SERTM1: variants seen among roughly 807,000 people sequenced by gnomAD.
The protein encoded by SERTM1 is serine rich and transmembrane domain containing 1.
A neutral mutation model predicts 5.5 loss-of-function variants in SERTM1; 1 was observed. That is an observed-to-expected ratio of 0.18 (90% CI 0.06 to 0.86). The LOEUF (loss-of-function observed/expected upper bound fraction) is 0.86. Among genes scored for constraint, SERTM1 ranks in the 40% least tolerant of loss-of-function variants. SERTM1 has a pLI of 0.69. For missense variants in SERTM1, 91 were observed against 122.4 expected, an observed-to-expected ratio of 0.74 and a Z score of 1.21; for synonymous variants, 52 against 55.1, an observed-to-expected ratio of 0.94 and a Z score of 0.25.
chr13:36,684,975 G>A (rs1428812087), intron 1 of SERTM1, among the ~76,000 whole-genome samples: 1 of 152,122 alleles, frequency 6.6e-6, no homozygotes, highest in Non-Finnish European at 1.5e-5. Context: ...TTATTTTTCA[G>A]TTTCACCTTC....
In SERTM1 at chr13:36,695,233, T is replaced by C; in HGVS notation, c.155T>C (p.Leu52Ser). ...TATGTGTCCATATTCCTCAGCCTTTTAGCGTTTCTGCTTCTGCTTTTAATC... is the reference window on the plus strand; with the variant it reads ...TATGTGTCCATATTCCTCAGCCTTTCAGCGTTTCTGCTTCTGCTTTTAATC... ...YIYVSIFLSL[L>S]AFLLLLLIIA... Residue 52 changes from leucine (L) to serine (S), a missense_variant, in exon 2 of 2, where the codon TTA (leucine) becomes TCA (serine). Physicochemically the swap from Leu to Ser is moderately radical, Grantham distance 145. Transcript: ENST00000315190. 1.9e-6 allele frequency: 3 copies of C among 1,614,228 alleles called. No individual in the cohort carries two copies. Among genetic ancestry groups the C allele is most frequent in the Non-Finnish European group, 2.5e-6 (3 of 1,180,042 alleles).
Position 36,696,139 on chromosome 13 carries a change from GTGAT to G in SERTM1, c.*739_*742del, listed in dbSNP as rs2056812323. ...AATGCCACAAAGTTGTGGAATTTTT[GTGAT>G]TAATTGCTGTTACTAGTACTAAGAG... On this transcript the variant is annotated 3_prime_UTR_variant, in exon 2 of 2. Coordinates refer to ENST00000315190, the MANE Select transcript of SERTM1 (RefSeq NM_203451.3). 6.0e-6 allele frequency: 1 copy of G among 166,806 alleles called. No homozygotes were observed. Among genetic ancestry groups the G allele is most frequent in the Non-Finnish European group, 1.5e-5 (1 of 68,112 alleles). 10.3% of individuals were successfully genotyped at this position (166,806 alleles called of 1,614,324 possible).
rs2056810744 is a variant in SERTM1, at chr13:36,695,924, A to G, written c.*522A>G. On this transcript the variant is annotated 3_prime_UTR_variant, in exon 2 of 2. Coordinates refer to ENST00000315190, the MANE Select transcript of SERTM1 (RefSeq NM_203451.3). ...CATTTCTAAAACTGAGGGTAAATAT[A>G]TGCTAAATATTTTCTTTAACTTCAC... is the stretch of plus-strand genomic sequence containing the variant. 6.0e-6 allele frequency: 1 copy of G among 167,384 alleles called. No homozygotes were observed. The highest frequency in any genetic ancestry group is 2.4e-5 in the African/African-American group (1 of 41,476). 10.4% of individuals were successfully genotyped at this position (167,384 alleles called of 1,614,324 possible).
chr13:36,676,627 T>TA (rs2056671550), intron 1 of SERTM1, among the ~76,000 whole-genome samples: 1 of 150,302 alleles, frequency 6.7e-6, no homozygotes, highest in Admixed American at 6.6e-5. Flanking sequence ...ATGGTACCCA[T>TA]AAGCCATTCA....
At position 36,697,337 on chromosome 13, in the gene SERTM1, A is replaced by C. The variant is rs1374025877; in HGVS notation, c.*1935A>C. On this transcript the variant is annotated 3_prime_UTR_variant, in exon 2 of 2. Transcript: ENST00000315190. ...AATATATATATATATATATATATAT[A>C]AACTCACATACTCCCAATTAAAAGT... The C allele has an allele frequency of 6.1e-6, 1 of 163,528 alleles. No individual in the cohort carries two copies. Among genetic ancestry groups the C allele is most frequent in the African/African-American group, 2.5e-5 (1 of 40,638 alleles). The allele number at this position is 163,528 out of a possible 1,614,324, so 10.1% of individuals were successfully genotyped here. A position where few individuals can be genotyped will look rare whatever the true frequency, so the allele number is the denominator to read the frequency against.
chr13:36,689,737 A>G (rs2056766132), intron 1 of SERTM1, among the ~76,000 whole-genome samples: 2 of 151,520 alleles, frequency 1.3e-5, no homozygotes, highest in Non-Finnish European at 2.9e-5. Flanking sequence ...ATATATTGTG[A>G]ATATTCTGAG....
In SERTM1 at chr13:36,677,946, T is replaced by C. The variant is rs375562330; in HGVS notation, c.-174+3762T>C. On this transcript the variant is annotated intron_variant, in intron 1 of 1. Transcript: ENST00000315190. The stretch of plus-strand genomic sequence containing the variant: ...GTACATTTAACCCCTGTTAGGAAGA[T>C]TGACTTTCTGGCATCAGCCTGAGAG... Among the ~76,000 whole-genome samples the C allele has an allele frequency of 6.2e-4, 95 of 152,270 alleles. 1 individual carries two copies. In the East Asian group the frequency reaches 8.7e-3, roughly 14 times the overall value.
At chr13:36,687,851 GT>G (rs2138093275) in intron 1 of SERTM1, among the ~76,000 whole-genome samples, 1 of 152,296 alleles carries the variant, frequency 6.6e-6, no homozygotes, top group African/African-American at 2.4e-5. Context: ...CTGGATGCCT[GT>G]GAGAGATGGA....
chr13:36,676,094 T>A (rs552997105), intron 1 of SERTM1, among the ~76,000 whole-genome samples: 7 of 152,292 alleles, frequency 4.6e-5, no homozygotes, highest in Admixed American at 4.6e-4. Flanking sequence ...AAGATATAAA[T>A]AACTGTGTGA....
rs1417397569 is a variant in SERTM1, at chr13:36,695,366, C to T, written c.288C>T (p.Ser96=). 6.2e-7 allele frequency: 1 copy of T among 1,613,962 alleles called. No individual in the cohort carries two copies. Among genetic ancestry groups the T allele is most frequent in the African/African-American group, 1.3e-5 (1 of 75,006 alleles). Residue 96 remains serine (S), a synonymous_variant, in exon 2 of 2, where the codon TCC becomes TCT. Transcript: ENST00000315190. ...SFTNLEVCSI[S]SQRSTFSNLS... ...CCAATTTGGAAGTCTGCAGCATTTC[C>T]TCTCAGAGGTCCACTTTTTCAAACC...
rs2056812887 is a variant in SERTM1, at chr13:36,696,230, C to A, written c.*828C>A. The A allele has an allele frequency of 6.0e-6, 1 of 166,932 alleles. No homozygotes were observed. The allele number at this position is 166,932 out of a possible 1,614,324, so 10.3% of individuals were successfully genotyped here. On this transcript the variant is annotated 3_prime_UTR_variant, in exon 2 of 2. Coordinates refer to ENST00000315190, the MANE Select transcript of SERTM1 (RefSeq NM_203451.3). ...ATAATTTCTATCAGTGAGAATTAAG[C>A]ATATGGAAAATATTCATTTAGTTGT...
chr13:36,685,878 A>T (rs182328867), intron 1 of SERTM1, among the ~76,000 whole-genome samples: 17 of 152,278 alleles, frequency 1.1e-4, no homozygotes, highest in Admixed American at 8.5e-4. Context: ...CCCTACTTTG[A>T]ACCTGGACCA....
intron 1 of SERTM1, among the ~76,000 whole-genome samples, chr13:36,689,970 T>G (rs2056767720): frequency 6.6e-6 from 1 of 152,174 alleles, no homozygotes; most frequent in Admixed American, 6.5e-5. Context: ...TGGAATTGAT[T>G]CTTAAAATAA....
chr13:36,697,806 G>A lies in SERTM1; in HGVS notation c.*2404G>A, dbSNP rs2056826219. The A allele has an allele frequency of 6.0e-6, 1 of 166,980 alleles. No homozygotes were observed. Among genetic ancestry groups the A allele is most frequent in the Admixed American group, 6.6e-5 (1 of 15,262 alleles). The allele number at this position is 166,980 out of a possible 1,614,324, so 10.3% of individuals were successfully genotyped here. ...AAGAAGTTCAGAAAGGTTGGAAGAT[G>A]GGTTTATAAATAAAGAAGTGGAGTC... On this transcript the variant is annotated 3_prime_UTR_variant, in exon 2 of 2. Transcript: ENST00000315190.
Position 36,695,339 on chromosome 13 carries a change from C to T in SERTM1, c.261C>T (p.Phe87=), listed in dbSNP as rs2056806372. Residue 87 remains phenylalanine, a synonymous_variant, in exon 2 of 2, where the codon TTC becomes TTT. Transcript: ENST00000315190. ...PEYPSDAGSS[F]TNLEVCSISS... Reference sequence around the variant, plus strand: ...ATCCAAGCGACGCTGGAAGTTCTTTCACCAATTTGGAAGTCTGCAGCATTT... The same window carrying T: ...ATCCAAGCGACGCTGGAAGTTCTTTTACCAATTTGGAAGTCTGCAGCATTT... 1.2e-6 allele frequency: 2 copies of T among 1,614,078 alleles called. No homozygotes were observed. The highest frequency in any genetic ancestry group is 1.3e-5 in the African/African-American group (1 of 74,940).
At chr13:36,691,709 C>G (rs147748469) in intron 1 of SERTM1, among the ~76,000 whole-genome samples, 5 of 152,230 alleles carry the variant, frequency 3.3e-5, no homozygotes, top group African/African-American at 1.2e-4. Flanking sequence ...CGAGACAGGT[C>G]AAGGCTATGC....
intron 1 of SERTM1, among the ~76,000 whole-genome samples, chr13:36,689,792 A>C (rs891324623): frequency 3.2e-4 from 49 of 151,882 alleles, no homozygotes; most frequent in African/African-American, 1.2e-3. Context: ...AATTAGTGCA[A>C]AATAAGTTCT....
At chr13:36,685,193 C>T (rs1398266065) in intron 1 of SERTM1, among the ~76,000 whole-genome samples, 1 of 152,220 alleles carries the variant, frequency 6.6e-6, no homozygotes, top group Non-Finnish European at 1.5e-5. Context: ...TCTTTATTAA[C>T]CAGACTTTTG....
rs1467815101 is a variant in SERTM1 at position 36,695,283 on chromosome 13, A to G, written c.205A>G (p.Ile69Val). The G allele has an allele frequency of 3.1e-6, 5 of 1,613,982 alleles. No individual in the cohort carries two copies. The highest frequency in any genetic ancestry group is 2.2e-5 in the South Asian group (2 of 91,076). ...CATTGCCCTCCAGAGGCTCAAAAAT[A>G]TCATCTCCTCCAGTTCCTCCTACCC... ...LIIALQRLKN[I>V]ISSSSSYPEY... Residue 69 changes from isoleucine (I) to valine (V), a missense_variant, in exon 2 of 2, where the codon ATC becomes GTC. By Grantham distance (29) the Ile-to-Val change is conservative. Transcript: ENST00000315190.
Sources: gnomAD v4.1 joint callset for allele counts (sites outside exome capture counted in the v4.1 genomes callset) on GRCh38, gnomAD v4.1.1 for gene constraint, MANE v1.5 for transcripts, NCBI Gene and HGNC (gene_info 2026-07-23, HGNC 2026-07-21) for gene names.